Variants in RBMS3 observed in about 807,000 individuals in gnomAD.
RBMS3 encodes the protein RNA-binding motif, single-stranded-interacting protein 3.
A neutral mutation model predicts 66.8 loss-of-function variants in RBMS3; 27 were observed. The ratio of observed to expected loss-of-function variants is 0.40; its 90% confidence interval spans 0.30 to 0.56. The LOEUF (loss-of-function observed/expected upper bound fraction) is 0.56. Among genes scored for constraint, RBMS3 ranks in the 20% least tolerant of loss-of-function variants. The pLI, the probability that RBMS3 is intolerant of heterozygous loss-of-function variation, is 0.40. For synonymous variants in RBMS3, 188 were observed against 183.0 expected, an observed-to-expected ratio of 1.03 and a Z score of -0.22; for missense variants, 513 against 549.5, an observed-to-expected ratio of 0.93 and a Z score of 0.66.
intron 12 of RBMS3, among the ~76,000 whole-genome samples, chr3:29,974,398 C>T (rs544777866): frequency 6.6e-6 from 1 of 151,954 alleles, no homozygotes; most frequent in East Asian, 1.9e-4. Flanking sequence ...CTGTTCTTAT[C>T]TAAAGTCATT....
intron 2 of RBMS3, among the ~76,000 whole-genome samples, chr3:29,439,649 G>A (rs568755065): frequency 9.7e-4 from 147 of 150,938 alleles, no homozygotes; most frequent in Non-Finnish European, 1.8e-3. Context: ...GGGTACATGT[G>A]CACAATGTGC....
intron 2 of RBMS3, among the ~76,000 whole-genome samples, chr3:29,463,780 C>T (rs1230310991): frequency 2.0e-5 from 3 of 152,088 alleles, no homozygotes; most frequent in African/African-American, 7.2e-5. Context: ...TCGACACTCC[C>T]TGTTTCTTCC....
At chr3:29,476,879 T>C (rs1036802471) in intron 2 of RBMS3, among the ~76,000 whole-genome samples, 1 of 152,198 alleles carries the variant, frequency 6.6e-6, no homozygotes, top group Admixed American at 6.5e-5. Flanking sequence ...ATCACAGAAA[T>C]GCAATTTGAG....
chr3:29,934,527 G>A (rs1396545996), intron 10 of RBMS3, among the ~76,000 whole-genome samples: 4 of 152,122 alleles, frequency 2.6e-5, no homozygotes, highest in Non-Finnish European at 5.9e-5. Flanking sequence ...GAAAAGTGAT[G>A]TGTCTCTGAA....
At chr3:29,800,915 A>G (rs142206846) in intron 6 of RBMS3, among the ~76,000 whole-genome samples, 6 of 152,106 alleles carry the variant, frequency 3.9e-5, no homozygotes, top group African/African-American at 1.4e-4. Context: ...ACCTGAAACT[A>G]CATACCTAGT....
chr3:29,795,619 G>A (rs896776532), intron 6 of RBMS3, among the ~76,000 whole-genome samples: 6 of 152,156 alleles, frequency 3.9e-5, no homozygotes, highest in African/African-American at 1.2e-4. Context: ...ATTGATAAAT[G>A]GTAGTAGAAT....
intron 4 of RBMS3, among the ~76,000 whole-genome samples, chr3:29,672,757 A>G (rs1018688934): frequency 2.0e-5 from 3 of 152,230 alleles, no homozygotes; most frequent in African/African-American, 7.2e-5. Context: ...TATGCACCCA[A>G]TACAGGAGCA....
At chr3:29,431,385 C>T (rs1334004513) in intron 1 of RBMS3, among the ~76,000 whole-genome samples, 11 of 148,114 alleles carry the variant, frequency 7.4e-5, no homozygotes, top group African/African-American at 1.5e-4. Flanking sequence ...CTCTGACTCT[C>T]GGGTTCAAGT....
At chr3:29,888,323 T>C (rs1287864916) in intron 8 of RBMS3, among the ~76,000 whole-genome samples, 3 of 151,728 alleles carry the variant, frequency 2.0e-5, no homozygotes, top group African/African-American at 7.3e-5. Context: ...TTATATTATC[T>C]AATCTCATAT....
At chr3:29,640,286 C>CACACACA (rs879853761) in intron 4 of RBMS3, among the ~76,000 whole-genome samples, 76 of 123,058 alleles carry the variant, frequency 6.2e-4, no homozygotes, top group African/African-American at 2.2e-3. Context: ...ACACACACAC[C>CACACACA]CACACACACA....
chr3:29,970,895 G>A (rs868106416), intron 12 of RBMS3, among the ~76,000 whole-genome samples: 3 of 152,154 alleles, frequency 2.0e-5, no homozygotes, highest in South Asian at 4.1e-4. Context: ...CATCTCTGTG[G>A]TTTAAATGCC....
chr3:29,852,498 G>A (rs570459222), intron 6 of RBMS3, among the ~76,000 whole-genome samples: 61 of 152,118 alleles, frequency 4.0e-4, no homozygotes, highest in Non-Finnish European at 7.9e-4. Context: ...AGTGGGCAAA[G>A]GACATGAATA....
At chr3:29,417,920 T>C (rs550598184) in intron 1 of RBMS3, among the ~76,000 whole-genome samples, 1 of 152,202 alleles carries the variant, frequency 6.6e-6, no homozygotes, top group African/African-American at 2.4e-5. Flanking sequence ...ACATTATTTT[T>C]ACTCCATCTC....
At chr3:29,793,963 CTGGT>C (rs2057095271) in intron 6 of RBMS3, among the ~76,000 whole-genome samples, 2 of 152,138 alleles carry the variant, frequency 1.3e-5, no homozygotes, top group South Asian at 4.1e-4. Context: ...TGGCATAAAT[CTGGT>C]TGGTTAGAAG....
chr3:29,715,491 G>A (rs1045842359), intron 4 of RBMS3, among the ~76,000 whole-genome samples: 1 of 152,030 alleles, frequency 6.6e-6, no homozygotes. Context: ...TTTAAGCCAA[G>A]CAGATTAAAT....
intron 4 of RBMS3, among the ~76,000 whole-genome samples, chr3:29,625,324 G>A (rs539714155): frequency 3.9e-4 from 59 of 152,158 alleles, no homozygotes; most frequent in Non-Finnish European, 4.0e-4. Flanking sequence ...TGGCATTTTT[G>A]TAACAGACCA....
At chr3:29,866,530 C>T (rs1244161190) in intron 6 of RBMS3, among the ~76,000 whole-genome samples, 2 of 152,044 alleles carry the variant, frequency 1.3e-5, no homozygotes, top group African/African-American at 4.8e-5. Flanking sequence ...CATGACCATC[C>T]CATTTTAATA....
intron 6 of RBMS3, among the ~76,000 whole-genome samples, chr3:29,783,172 C>T (rs960818742): frequency 7.9e-5 from 12 of 152,104 alleles, no homozygotes; most frequent in Middle Eastern, 6.8e-3. Flanking sequence ...GAGATCTAGA[C>T]CCCCCAAATG....
chr3:29,830,169 T>G (rs1317093023), intron 6 of RBMS3, among the ~76,000 whole-genome samples: 1 of 152,092 alleles, frequency 6.6e-6, no homozygotes, highest in Non-Finnish European at 1.5e-5. Flanking sequence ...TTGTGACTTC[T>G]GCCTTGAGAC....
Sources: allele counts gnomAD v4.1 joint callset (sites outside exome capture counted in the v4.1 genomes callset), GRCh38; gene constraint gnomAD v4.1.1; transcripts MANE v1.5; gene names NCBI Gene and HGNC (gene_info 2026-07-23, HGNC 2026-07-21).